Variants in FBXL22 observed in about 807,000 individuals in gnomAD.
The protein encoded by FBXL22 is F-box and leucine-rich protein 22.
FBXL22 carries 13 observed loss-of-function variants against 11.7 expected under a neutral mutation model. That is an observed-to-expected ratio of 1.11 (90% CI 0.73 to 1.77). The LOEUF is 1.77. Ranked by LOEUF, FBXL22 falls within the 40% of genes most tolerant of loss-of-function variation. The pLI is 0.00. For synonymous variants in FBXL22, 160 were observed against 144.1 expected, an observed-to-expected ratio of 1.11 and a Z score of -0.79; for missense variants, 406 against 320.4, an observed-to-expected ratio of 1.27 and a Z score of -2.04.
chr15:63,601,158 G>C lies in FBXL22; in HGVS notation c.*119G>C. On this transcript the variant is annotated 3_prime_UTR_variant, in exon 2 of 2. Coordinates refer to ENST00000638704, the MANE Select transcript of FBXL22 (RefSeq NM_001367807.1). The stretch of plus-strand genomic sequence containing the variant: ...ATTCTGAGCCTCATTTTCCCCGTCT[G>C]CACAGTGGGGATAAGAAAGCCTACC... 7.0e-7 allele frequency: 1 copy of C among 1,425,468 alleles called. No individual in the cohort carries two copies. The highest frequency in any genetic ancestry group is 9.1e-7 in the Non-Finnish European group (1 of 1,095,918). The allele number at this position is 1,425,468 out of a possible 1,614,324, so 88.3% of individuals were successfully genotyped here.
Position 63,601,078 on chromosome 15 carries a change from C to G in FBXL22, c.*39C>G. On this transcript the variant is annotated 3_prime_UTR_variant, in exon 2 of 2. Coordinates refer to ENST00000638704, the MANE Select transcript of FBXL22 (RefSeq NM_001367807.1). The stretch of plus-strand genomic sequence containing the variant: ...GCTGCCCCCGGGGAAGGAGCGCAGC[C>G]CCAGACCGTCCTGGCTTCGAACCCA... 1 of 1,269,958 alleles carries G rather than the reference C, an allele frequency of 7.9e-7. No individual in the cohort carries two copies. The highest frequency in any genetic ancestry group is 9.9e-7 in the Non-Finnish European group (1 of 1,009,536). 78.7% of individuals were successfully genotyped at this position (1,269,958 alleles called of 1,614,324 possible). A position where few individuals can be genotyped will look rare whatever the true frequency, so the allele number is the denominator to read the frequency against.
chr15:63,601,683 G>A (rs1388433087), downstream of FBXL22: 1 of 1,605,786 alleles, frequency 6.2e-7, no homozygotes, highest in Non-Finnish European at 8.5e-7. Flanking sequence ...CGTTCCCGCA[G>A]TGACCGCACT....
In FBXL22 at chr15:63,597,646, T is replaced by C; in HGVS notation, c.254T>C (p.Val85Ala). 1.2e-6 allele frequency: 2 copies of C among 1,613,168 alleles called. No homozygotes were observed. The highest frequency in any genetic ancestry group is 1.7e-6 in the Non-Finnish European group (2 of 1,179,978). Reference protein sequence around the residue: ...SICWHSSRVQVCSIEDWLKSA... With the variant: ...SICWHSSRVQACSIEDWLKSA... ...TGCTGGCACTCCAGCCGCGTGCAGGTGTGCAGCATTGAGGACTGGCTCAAG... is the reference window on the plus strand; with the variant it reads ...TGCTGGCACTCCAGCCGCGTGCAGGCGTGCAGCATTGAGGACTGGCTCAAG... The change falls in exon 1 of 2, where the codon GTG becomes GCG. Residue 85 changes from valine to alanine, a missense_variant. Coordinates refer to ENST00000638704, the MANE Select transcript of FBXL22 (RefSeq NM_001367807.1). This position sits in a 1 kb window ranked among gnomAD's most constrained non-coding sequence, Gnocchi z 4.3.
At position 63,597,524 on chromosome 15, in the gene FBXL22, G is replaced by C. The variant is rs142301663; in HGVS notation, c.132G>C (p.Glu44Asp). 351 of 1,614,090 alleles carry C rather than the reference G, an allele frequency of 2.2e-4. 3 individuals are homozygous for C. In the African/African-American group the frequency reaches 3.7e-3, roughly 17 times the overall value. ...RTCSQLHDVF[E>D]DPALWSLLHF... ...GCTCCCAGCTCCACGACGTGTTTGA[G>C]GACCCCGCACTCTGGTCCCTGCTGC... Residue 44 changes from glutamate to aspartate, a missense_variant, in exon 1 of 2, where the codon GAG becomes GAC. By Grantham distance (45) the Glu-to-Asp change is conservative. Coordinates refer to ENST00000638704, the MANE Select transcript of FBXL22 (RefSeq NM_001367807.1). The surrounding 1 kb of genome is among the most constrained non-coding windows in gnomAD (Gnocchi z 4.3).
chr15:63,597,598 C>G lies in FBXL22; in HGVS notation c.206C>G (p.Pro69Arg), dbSNP rs775727167. 9 of 1,613,812 alleles carry G rather than the reference C, an allele frequency of 5.6e-6. No individual in the cohort carries two copies. The highest frequency in any genetic ancestry group is 1.7e-5 in the Admixed American group (1 of 60,014). The change falls in exon 1 of 2, where the codon CCG (proline) becomes CGG (arginine). Residue 69 changes from proline (P) to arginine (R), a missense_variant. Pro to Arg is a moderately radical substitution (Grantham distance 103). Coordinates refer to ENST00000638704, the MANE Select transcript of FBXL22 (RefSeq NM_001367807.1). This position sits in a 1 kb window ranked among gnomAD's most constrained non-coding sequence, Gnocchi z 4.3. The part of the protein sequence containing the change: ...ELQKDNFLLG[P>R]ALRSLSICWH... The stretch of plus-strand genomic sequence containing the variant: ...CAGAAGGACAACTTCCTCCTGGGCC[C>G]GGCACTCCGCAGCCTCTCCATCTGC...
downstream of FBXL22, among the ~76,000 whole-genome samples, chr15:63,602,585 CAAAAAAAAAA>C (rs35457809): frequency 8.4e-3 from 624 of 74,608 alleles, 8 homozygotes; most frequent in African/African-American, 0.033. Context: ...ACTCTTGTCT[CAAAAAAAAAA>C]AAAAAAAAAA....
At position 63,600,947 on chromosome 15, in the gene FBXL22, C is replaced by G; in HGVS notation, c.604C>G (p.Leu202Val). The change falls in exon 2 of 2, where the codon CTG becomes GTG. Residue 202 changes from leucine to valine, a missense_variant. Physicochemically the swap from Leu to Val is conservative, Grantham distance 32. Coordinates refer to ENST00000638704, the MANE Select transcript of FBXL22 (RefSeq NM_001367807.1). ...GCGCGCCGCGTGCCCGCGCCTGGCC[C>G]TGCGGGCAGAGCACAGCGCCGCCAT... ...RLRAACPRLA[L>V]RAEHSAAMLP... The G allele has an allele frequency of 2.5e-6, 3 of 1,199,664 alleles. No individual in the cohort carries two copies. Among genetic ancestry groups the G allele is most frequent in the Non-Finnish European group, 2.1e-6 (2 of 967,330 alleles). The allele number at this position is 1,199,664 out of a possible 1,614,324, so 74.3% of individuals were successfully genotyped here.
At position 63,600,729 on chromosome 15, in the gene FBXL22, G is replaced by T; in HGVS notation, c.386G>T (p.Gly129Val). The change falls in exon 2 of 2, where the codon GGC becomes GTC. Residue 129 changes from glycine to valine, a missense_variant. Transcript: ENST00000638704. ...CPNLASVTLS[G>V]CGHVTDDCLA... is the part of the protein sequence containing the mutation. ...AACCTGGCGTCCGTCACGCTCTCGG[G>T]CTGCGGCCACGTTACCGACGACTGC... 1 of 1,231,512 alleles carries T rather than the reference G, an allele frequency of 8.1e-7. No individual in the cohort carries two copies. The allele number at this position is 1,231,512 out of a possible 1,614,324, so 76.3% of individuals were successfully genotyped here.
intron 1 of FBXL22, 172 bp from the exon 2 acceptor site, chr15:63,600,525 A>T (rs2067349992): frequency 1.6e-6 from 2 of 1,228,188 alleles, no homozygotes; most frequent in Admixed American, 4.2e-5. Context: ...AAGAGGAGGG[A>T]AAATGGGCCG....
At chr15:63,601,439 C>T (rs772907028), downstream of FBXL22, 3 of 1,578,316 alleles carry the variant, frequency 1.9e-6, no homozygotes, top group African/African-American at 4.1e-5. Context: ...GTGACGGGGG[C>T]CAGGGCTGCC....
At chr15:63,602,963 A>G (rs1310224630), downstream of FBXL22, among the ~76,000 whole-genome samples, 3 of 152,214 alleles carry the variant, frequency 2.0e-5, no homozygotes, top group Non-Finnish European at 4.4e-5. Flanking sequence ...GTTTCAAGAT[A>G]TAACCTTGAG....
At position 63,600,826 on chromosome 15, in the gene FBXL22, C is replaced by G. The variant is rs1566929576; in HGVS notation, c.483C>G (p.Asn161Lys). Reference protein sequence around the residue: ...LRLENCARVTNRTLAAVAADG... With the variant: ...LRLENCARVTKRTLAAVAADG... ...TGGAGAACTGCGCGCGCGTCACCAA[C>G]CGCACGTTGGCTGCCGTGGCGGCGG... Residue 161 changes from asparagine to lysine, a missense_variant, in exon 2 of 2, where the codon AAC becomes AAG. Transcript: ENST00000638704. 1.6e-6 allele frequency: 2 copies of G among 1,230,786 alleles called. No individual in the cohort carries two copies. Among genetic ancestry groups the G allele is most frequent in the South Asian group, 8.2e-5 (2 of 24,318 alleles). 76.2% of individuals were successfully genotyped at this position (1,230,786 alleles called of 1,614,324 possible).
downstream of FBXL22, among the ~76,000 whole-genome samples, chr15:63,603,258 C>T (rs1201211764): frequency 6.6e-6 from 1 of 152,184 alleles, no homozygotes; most frequent in East Asian, 1.9e-4. Context: ...CAGAACAAAA[C>T]ACACAGACAT....
chr15:63,597,665 G>T lies in FBXL22; in HGVS notation c.273G>T (p.Trp91Cys), dbSNP rs371972813. The part of the protein sequence containing the change: ...SRVQVCSIED[W>C]LKSAFQRSIC... ...TGCAGGTGTGCAGCATTGAGGACTG[G>T]CTCAAGAGTGCCTTCCAGAGAAGCA... Residue 91 changes from tryptophan (W) to cysteine (C), a missense_variant, in exon 1 of 2, where the codon TGG (tryptophan) becomes TGT (cysteine). Transcript: ENST00000638704. The surrounding 1 kb of genome is among the most constrained non-coding windows in gnomAD (Gnocchi z 4.3). 2 of 1,605,750 alleles carry T rather than the reference G, an allele frequency of 1.2e-6. No homozygotes were observed. The highest frequency in any genetic ancestry group is 1.7e-6 in the Non-Finnish European group (2 of 1,174,240).
intron 1 of FBXL22, chr15:63,599,296 T>C (rs970931769): frequency 1.1e-5 from 16 of 1,485,584 alleles, no homozygotes; most frequent in Non-Finnish European, 1.1e-5. Flanking sequence ...CCGCTCTTTG[T>C]TTTTTCCCTG....
intron 1 of FBXL22, chr15:63,599,298 T>C: frequency 6.7e-7 from 1 of 1,484,226 alleles, no homozygotes; most frequent in South Asian, 1.3e-5. Context: ...GCTCTTTGTT[T>C]TTTCCCTGTA....
At chr15:63,607,473 G>C in the FBXL22 span, among the ~76,000 whole-genome samples, 54 of 152,358 alleles carry the variant, frequency 3.5e-4, no homozygotes, top group African/African-American at 1.3e-3. Context: ...TCTTTACCCA[G>C]AACTCCTGGG....
At chr15:63,599,105 A>T in intron 1 of FBXL22, 1 of 1,186,204 alleles carries the variant, frequency 8.4e-7, no homozygotes, top group Non-Finnish European at 1.2e-6. Flanking sequence ...AACTCTTGCA[A>T]CCTCATTTCT....
chr15:63,601,523 G>A (rs762630406), downstream of FBXL22: 1 of 1,556,018 alleles, frequency 6.4e-7, no homozygotes, highest in Non-Finnish European at 8.7e-7. Context: ...GTGTCCTGGG[G>A]ACCGCCACCT....
Sources: gnomAD v4.1 joint callset for allele counts (sites outside exome capture counted in the v4.1 genomes callset) on GRCh38, gnomAD v4.1.1 for gene constraint, Gnocchi (gnomAD v3.1) non-coding constraint, MANE v1.5 for transcripts, NCBI Gene and HGNC (gene_info 2026-07-23, HGNC 2026-07-21) for gene names.